The following FUNDC1 variants were observed in gnomAD, a reference collection of about 807,000 sequenced individuals.
FUNDC1 encodes FUN14 domain containing 1.
A neutral mutation model predicts 14.5 loss-of-function variants in FUNDC1; 10 were observed. That is an observed-to-expected ratio of 0.69 (90% CI 0.43 to 1.17). The LOEUF (loss-of-function observed/expected upper bound fraction) is 1.17, where lower values mean the gene tolerates loss of function less well. Ranked by LOEUF, FUNDC1 falls within the 50% of genes most tolerant of loss-of-function variation. The probability of loss-of-function intolerance (pLI) is 0.00; values close to 1 mark genes in which losing one functional copy is unlikely to be tolerated. For synonymous variants in FUNDC1, 33 were observed against 39.7 expected, an observed-to-expected ratio of 0.83 and a Z score of 0.64; for missense variants, 115 against 113.8, an observed-to-expected ratio of 1.01 and a Z score of -0.05.
At chrX:44,526,974 G>T (rs2038904780) in intron 4 of FUNDC1, among the ~76,000 whole-genome samples, 1 of 108,719 alleles carries the variant, frequency 9.2e-6, no homozygotes, top group African/African-American at 3.3e-5. Context: ...ATGTTGAAAA[G>T]AATGTTCTTA....
intron 3 of FUNDC1, among the ~76,000 whole-genome samples, chrX:44,537,619 TC>T (rs1056227519): frequency 1.8e-5 from 2 of 111,985 alleles, no homozygotes; most frequent in African/African-American, 6.5e-5. Context: ...ACAAATCTAG[TC>T]CCCTTGTACT....
In FUNDC1 at chrX:44,542,838, C is replaced by T. The variant is rs1183459681; in HGVS notation, c.-6G>A. ...GGGGGGTTCCGGGTCGCCATGATAC[C>T]GCCAGCGGCCAATTCTGGAGTGGTC... On this transcript the variant is annotated 5_prime_UTR_variant, in exon 1 of 5. Transcript: ENST00000378045. 8 of 1,166,485 alleles carry T rather than the reference C, an allele frequency of 6.9e-6. No homozygotes were observed. The highest frequency in any genetic ancestry group is 9.2e-6 in the Non-Finnish European group (8 of 872,645).
At chrX:44,539,384 A>G (rs186335652) in intron 2 of FUNDC1, among the ~76,000 whole-genome samples, 8 of 111,903 alleles carry the variant, frequency 7.1e-5, no homozygotes, top group Admixed American at 9.6e-5. Context: ...TGCAGATGTA[A>G]TAAGTTCAGA....
intron 3 of FUNDC1, among the ~76,000 whole-genome samples, chrX:44,537,629 C>T (rs2038953992): frequency 8.9e-6 from 1 of 112,118 alleles, no homozygotes; most frequent in African/African-American, 3.2e-5. Flanking sequence ...TCCCCTTGTA[C>T]TACAACTACA....
chrX:44,531,257 C>T (rs2038921880), intron 3 of FUNDC1, among the ~76,000 whole-genome samples: 1 of 71,746 alleles, frequency 1.4e-5, no homozygotes, highest in Non-Finnish European at 2.4e-5. Flanking sequence ...AACACACACA[C>T]ACACACACAC....
intron 4 of FUNDC1, among the ~76,000 whole-genome samples, chrX:44,524,833 T>C (rs112667313): frequency 0.016 from 1,800 of 111,230 alleles, 22 homozygotes; most frequent in Non-Finnish European, 0.025. Flanking sequence ...ATAATAAGTA[T>C]ATGGGCAGCA....
At chrX:44,542,211 T>TA (rs1437898719) in intron 1 of FUNDC1, 110 bp from the exon 2 acceptor site, 3 of 552,557 alleles carry the variant, frequency 5.4e-6, no homozygotes, top group Middle Eastern at 5.4e-4. Context: ...GGCCTACAGC[T>TA]AAAAATGCCC....
At chrX:44,541,139 A>T (rs192627950) in intron 2 of FUNDC1, among the ~76,000 whole-genome samples, 201 of 112,782 alleles carry the variant, frequency 1.8e-3, no homozygotes, top group African/African-American at 6.3e-3. Flanking sequence ...TTAAATAAGA[A>T]TCTAAGAAAA....
intron 3 of FUNDC1, among the ~76,000 whole-genome samples, chrX:44,532,557 A>ATAT (rs1488360285): frequency 3.0e-5 from 3 of 100,044 alleles, no homozygotes; most frequent in African/African-American, 1.1e-4. Context: ...ATATATATAT[A>ATAT]TTTTTTTTTT....
At chrX:44,536,810 T>C (rs910641030) in intron 3 of FUNDC1, among the ~76,000 whole-genome samples, 1 of 111,822 alleles carries the variant, frequency 8.9e-6, no homozygotes, top group African/African-American at 3.2e-5. Context: ...ACTTGGCCCT[T>C]TGAATTATAA....
rs1032036817 is a variant in FUNDC1 at position 44,540,554 on chromosome X, G to C, written c.185+1391C>G. Among the ~76,000 whole-genome samples the C allele has an allele frequency of 8.1e-5, 9 of 111,238 alleles. No individual in the cohort carries two copies. The Admixed American group carries it at 8.7e-4, about 11-fold the overall frequency. ...TGTTCCACAAGCATGTGTATCCATT[G>C]CTTGATGGCATCAGTCACTAAAATG... On this transcript the variant is annotated intron_variant, in intron 2 of 4. Transcript: ENST00000378045.
rs1016980779 is a variant in FUNDC1 at position 44,523,990 on chromosome X, C to T, written c.*208G>A. On this transcript the variant is annotated 3_prime_UTR_variant, in exon 5 of 5. Transcript: ENST00000378045. ...AGCCACGTTTTGCTCAGGAATACTA[C>T]GGTTCACATACCATATAGGTTGTTT... 7.8e-5 allele frequency: 29 copies of T among 370,336 alleles called. No individual in the cohort carries two copies. Among genetic ancestry groups the T allele is most frequent in the Non-Finnish European group, 1.0e-4 (22 of 211,412 alleles). The allele number at this position is 370,336 out of a possible 1,213,427, so 30.5% of individuals were successfully genotyped here.
chrX:44,531,371 C>T (rs1264590887), intron 3 of FUNDC1, among the ~76,000 whole-genome samples: 8 of 91,478 alleles, frequency 8.7e-5, no homozygotes, highest in Non-Finnish European at 1.3e-4. Context: ...CACACACACA[C>T]GGCTTTCAGA....
intron 2 of FUNDC1, among the ~76,000 whole-genome samples, chrX:44,541,109 T>C (rs2038969801): frequency 8.9e-6 from 1 of 112,571 alleles, no homozygotes; most frequent in Non-Finnish European, 1.9e-5. Context: ...ATATTTCAAT[T>C]AAATCTATGT....
chrX:44,536,251 G>A (rs2038948744), intron 3 of FUNDC1, among the ~76,000 whole-genome samples: 1 of 106,497 alleles, frequency 9.4e-6, no homozygotes, highest in African/African-American at 3.4e-5. Context: ...TCCGGGAGGT[G>A]GAAGTTGCAG....
At chrX:44,524,322 G>A in intron 4 of FUNDC1, 47 bp from the exon 5 acceptor site, 1 of 856,986 alleles carries the variant, frequency 1.2e-6, no homozygotes, top group Non-Finnish European at 1.7e-6. Flanking sequence ...GCTACAACAG[G>A]GATGAACCTT....
intron 3 of FUNDC1, among the ~76,000 whole-genome samples, chrX:44,529,215 G>A (rs2038913500): frequency 1.8e-5 from 2 of 111,011 alleles, no homozygotes; most frequent in South Asian, 3.7e-4. Flanking sequence ...ATGAATAAAG[G>A]AAACCATTTT....
At chrX:44,539,459 T>C (rs1030924954) in intron 2 of FUNDC1, among the ~76,000 whole-genome samples, 1 of 111,045 alleles carries the variant, frequency 9.0e-6, no homozygotes, top group Non-Finnish European at 1.9e-5. Flanking sequence ...GAAGACGACA[T>C]GTGAGGACAA....
chrX:44,531,981 A>C (rs1295899728), intron 3 of FUNDC1, among the ~76,000 whole-genome samples: 1 of 111,961 alleles, frequency 8.9e-6, no homozygotes, highest in Non-Finnish European at 1.9e-5. Context: ...TGAATAAATA[A>C]GAGACAAACC....
Sources: gnomAD v4.1 joint callset for allele counts (sites outside exome capture counted in the v4.1 genomes callset) on GRCh38, gnomAD v4.1.1 for gene constraint, MANE v1.5 for transcripts, NCBI Gene and HGNC (gene_info 2026-07-23, HGNC 2026-07-21) for gene names.